The following SLC38A12 variants were observed in gnomAD, a reference collection of about 807,000 sequenced individuals.
The protein encoded by SLC38A12 is putative sodium-coupled neutral amino acid transporter 12.
chr17:74,826,938 C>T, the SLC38A12 span, among the ~76,000 whole-genome samples: 1 of 152,126 alleles, frequency 6.6e-6, no homozygotes, highest in Admixed American at 6.5e-5. Context: ...GGTGAGCAGC[C>T]TGTTGGGGTC....
At chr17:74,795,131 C>T in the SLC38A12 span, 4 of 1,610,288 alleles carry the variant, frequency 2.5e-6, no homozygotes, top group Non-Finnish European at 1.7e-6. Context: ...CTCCTGGCCC[C>T]CAGGTTGGCG....
chr17:74,820,608 A>G, the SLC38A12 span, among the ~76,000 whole-genome samples: 1 of 152,136 alleles, frequency 6.6e-6, no homozygotes, highest in African/African-American at 2.4e-5. Flanking sequence ...TGCTCAATCT[A>G]AAAACAAAGA....
At chr17:74,838,488 G>A in the SLC38A12 span, 2 of 1,015,742 alleles carry the variant, frequency 2.0e-6, no homozygotes, top group Non-Finnish European at 2.4e-6. Context: ...CCAAATCTTG[G>A]ACGCAAATTC....
the SLC38A12 span, among the ~76,000 whole-genome samples, chr17:74,791,488 T>C: frequency 2.6e-5 from 4 of 152,256 alleles, no homozygotes; most frequent in Non-Finnish European, 5.9e-5. Context: ...AATAAGCTTT[T>C]TCCTTTTCCT....
the SLC38A12 span, among the ~76,000 whole-genome samples, chr17:74,808,235 G>A: frequency 3.3e-5 from 5 of 152,340 alleles, no homozygotes; most frequent in East Asian, 9.6e-4. Flanking sequence ...GCCACAGAGT[G>A]GATGGCAGAG....
the SLC38A12 span, among the ~76,000 whole-genome samples, chr17:74,827,749 CTCT>C: frequency 6.6e-6 from 1 of 152,192 alleles, no homozygotes; most frequent in Non-Finnish European, 1.5e-5. This position sits in a 1 kb window ranked among gnomAD's most constrained non-coding sequence, Gnocchi z 4.7. Flanking sequence ...GATCCTTGGG[CTCT>C]TCTTCCACCT....
chr17:74,796,280 T>G, the SLC38A12 span, among the ~76,000 whole-genome samples: 4 of 152,210 alleles, frequency 2.6e-5, no homozygotes, highest in Non-Finnish European at 5.9e-5. Flanking sequence ...GACTCAGAAA[T>G]GTTTTTCTTT....
chr17:74,839,333 C>G, the SLC38A12 span: 1 of 686,722 alleles, frequency 1.5e-6, no homozygotes, highest in Non-Finnish European at 2.3e-6. Context: ...GTGGGGAGGA[C>G]AGGGGCTGCT....
At chr17:74,832,785 A>G in the SLC38A12 span, among the ~76,000 whole-genome samples, 1 of 152,178 alleles carries the variant, frequency 6.6e-6, no homozygotes, top group Non-Finnish European at 1.5e-5. Flanking sequence ...CCCACTTTCT[A>G]ACACTCTGGA....
At chr17:74,807,384 C>G in the SLC38A12 span, among the ~76,000 whole-genome samples, 1 of 152,244 alleles carries the variant, frequency 6.6e-6, no homozygotes, top group South Asian at 2.1e-4. Context: ...TGGTTGCTCC[C>G]TGAAGGTTGC....
chr17:74,789,089 A>G, the SLC38A12 span, among the ~76,000 whole-genome samples: 3 of 152,140 alleles, frequency 2.0e-5, no homozygotes, highest in African/African-American at 4.8e-5. Flanking sequence ...AGGCCCTCCT[A>G]CCCACACCCG....
At chr17:74,790,772 TAAAA>T in the SLC38A12 span, among the ~76,000 whole-genome samples, 2 of 127,016 alleles carry the variant, frequency 1.6e-5, no homozygotes, top group African/African-American at 2.9e-5. Context: ...TGAATTCCCT[TAAAA>T]AAAAAAAAAA....
the SLC38A12 span, among the ~76,000 whole-genome samples, chr17:74,827,091 G>A: frequency 2.0e-5 from 3 of 152,054 alleles, no homozygotes; most frequent in Non-Finnish European, 2.9e-5. This position sits in a 1 kb window ranked among gnomAD's most constrained non-coding sequence, Gnocchi z 4.7. Context: ...AGTCCCCCTC[G>A]TTGGAGCACA....
At chr17:74,778,171 T>G in the SLC38A12 span, among the ~76,000 whole-genome samples, 5 of 152,270 alleles carry the variant, frequency 3.3e-5, no homozygotes, top group Non-Finnish European at 5.9e-5. Flanking sequence ...TGATTGATTC[T>G]CACTGTCTTA....
chr17:74,838,543 C>T, the SLC38A12 span: 15 of 1,125,944 alleles, frequency 1.3e-5, no homozygotes, highest in Non-Finnish European at 1.5e-5. Flanking sequence ...CAGTCTGGAA[C>T]CGCCCAGCCA....
chr17:74,806,238 C>T, the SLC38A12 span, among the ~76,000 whole-genome samples: 5 of 152,172 alleles, frequency 3.3e-5, no homozygotes, highest in African/African-American at 1.2e-4. Flanking sequence ...GACCCCTAGC[C>T]TGGCCCCAAC....
At chr17:74,809,250 G>A in the SLC38A12 span, among the ~76,000 whole-genome samples, 1 of 152,176 alleles carries the variant, frequency 6.6e-6, no homozygotes, top group Non-Finnish European at 1.5e-5. Context: ...GAGGTTTGAG[G>A]AAGGGACCTG....
chr17:74,839,634 G>A, the SLC38A12 span: 17 of 158,604 alleles, frequency 1.1e-4, no homozygotes, highest in South Asian at 2.8e-3. Flanking sequence ...GCGAGCCTCC[G>A]TGACCTGTCC....
At chr17:74,824,766 T>C in the SLC38A12 span, among the ~76,000 whole-genome samples, 1 of 152,182 alleles carries the variant, frequency 6.6e-6, no homozygotes, top group Admixed American at 6.5e-5. Context: ...CACCGTCCTC[T>C]TCAGGCGTTT....
Sources: allele counts gnomAD v4.1 joint callset (sites outside exome capture counted in the v4.1 genomes callset), GRCh38; gene constraint gnomAD v4.1.1; non-coding constraint Gnocchi (gnomAD v3.1); transcripts MANE v1.5; gene names NCBI Gene and HGNC (gene_info 2026-07-23, HGNC 2026-07-21).